The following SLC35F4 variants were observed in gnomAD, a reference collection of about 807,000 sequenced individuals.
The protein encoded by SLC35F4 is chromosome 14 open reading frame 36.
SLC35F4 carries 24 observed loss-of-function variants against 44.2 expected under a neutral mutation model. The observed-to-expected ratio is 0.54, with a 90% CI of 0.39 to 0.76. The LOEUF (loss-of-function observed/expected upper bound fraction) is 0.76. Ranked by LOEUF, SLC35F4 falls within the 30% of genes least tolerant of loss-of-function variation. SLC35F4 has a pLI of 0.00. For synonymous variants in SLC35F4, 238 were observed against 223.6 expected, an observed-to-expected ratio of 1.06 and a Z score of -0.57; for missense variants, 562 against 586.1, an observed-to-expected ratio of 0.96 and a Z score of 0.42.
At chr14:57,872,682 A>T (rs1402680406) in intron 1 of SLC35F4, among the ~76,000 whole-genome samples, 1 of 152,142 alleles carries the variant, frequency 6.6e-6, no homozygotes, top group East Asian at 1.9e-4. Flanking sequence ...TGACAATGGG[A>T]AACAGGAGCT....
intron 1 of SLC35F4, among the ~76,000 whole-genome samples, chr14:57,814,625 A>G (rs896197331): frequency 6.6e-6 from 1 of 152,204 alleles, no homozygotes; most frequent in Non-Finnish European, 1.5e-5. Context: ...TTGATGAAAT[A>G]ATAGTTGCTG....
At chr14:57,739,481 G>T (rs745513721) in intron 1 of SLC35F4, among the ~76,000 whole-genome samples, 5 of 152,174 alleles carry the variant, frequency 3.3e-5, no homozygotes, top group African/African-American at 1.2e-4. Context: ...GGGAAGTGCC[G>T]TTTCCACAAG....
intron 1 of SLC35F4, among the ~76,000 whole-genome samples, chr14:57,775,447 C>T (rs2077465665): frequency 6.6e-6 from 1 of 152,242 alleles, no homozygotes. Context: ...TCCGGTACAG[C>T]AGGTTCCTAA....
Position 57,581,360 on chromosome 14 carries a change from T to C in SLC35F4, c.661A>G (p.Ile221Val). 1 of 1,613,432 alleles carries C rather than the reference T, an allele frequency of 6.2e-7. No homozygotes were observed. Among genetic ancestry groups the C allele is most frequent in the East Asian group, 2.2e-5 (1 of 44,876 alleles). ...AGGTAATTAGTCAAAGTCCATAGAA[T>C]AGAAAAGGGAGCAGTTCTTTTAAGA... ...LFLKRTAPFS[I>V]LWTLTNYLYL... Residue 221 changes from isoleucine (I) to valine (V), a missense_variant, in exon 4 of 8, where the codon ATT becomes GTT. Transcript: ENST00000556826.
intron 1 of SLC35F4, among the ~76,000 whole-genome samples, chr14:57,623,568 T>A (rs892755332): frequency 1.3e-5 from 2 of 152,050 alleles, no homozygotes; most frequent in African/African-American, 4.8e-5. Flanking sequence ...AAAACACTCG[T>A]CAGCAAATGC....
At position 57,634,246 on chromosome 14, in the gene SLC35F4, A is replaced by C. The variant is rs533659669; in HGVS notation, c.104-40122T>G. Among the ~76,000 whole-genome samples, 4 of 152,224 alleles carry C rather than the reference A, an allele frequency of 2.6e-5. No individual in the cohort carries two copies. The East Asian group carries it at 7.7e-4, about 29-fold the overall frequency. Reference sequence around the variant, plus strand: ...TCACCTATCTCATTAATAAAATGTAAGTTGTGATAAGTGCGGTTGAAGGCA... The same window carrying C: ...TCACCTATCTCATTAATAAAATGTACGTTGTGATAAGTGCGGTTGAAGGCA... On this transcript the variant is annotated intron_variant, in intron 1 of 7. Transcript: ENST00000556826.
intron 1 of SLC35F4, among the ~76,000 whole-genome samples, chr14:57,818,842 C>G (rs922493213): frequency 6.6e-6 from 1 of 152,118 alleles, no homozygotes; most frequent in African/African-American, 2.4e-5. Flanking sequence ...TTTCAATAAC[C>G]CTGCTGTTTT....
chr14:57,874,610 C>T (rs565024851), intron 1 of SLC35F4, among the ~76,000 whole-genome samples: 1 of 152,214 alleles, frequency 6.6e-6, no homozygotes, highest in South Asian at 2.1e-4. Flanking sequence ...CTCTGGAAGC[C>T]CTTCTCACTC....
intron 1 of SLC35F4, among the ~76,000 whole-genome samples, chr14:57,967,098 A>G (rs935230479): frequency 6.6e-6 from 1 of 152,198 alleles, no homozygotes; most frequent in African/African-American, 2.4e-5. Flanking sequence ...AAAATTTTAA[A>G]GATAATAATA....
chr14:57,594,525 G>A (rs574206756), intron 1 of SLC35F4, among the ~76,000 whole-genome samples: 1 of 152,306 alleles, frequency 6.6e-6, no homozygotes, highest in South Asian at 2.1e-4. Flanking sequence ...GGCAAGGTCT[G>A]TGCCTATAAG....
Position 57,866,043 on chromosome 14 carries a change from G to A in SLC35F4, c.-218C>T, listed in dbSNP as rs1888141459. On this transcript the variant is annotated 5_prime_UTR_variant, in exon 1 of 8. It adds an upstream start codon to the 5' untranslated region. Transcript: ENST00000556826. Reference sequence around the variant, plus strand: ...GGCCCCCACTCGGGCCGGCCTCTCCGTCAGCCTGGCAGCTCTCCCGCGCGC... The same window carrying A: ...GGCCCCCACTCGGGCCGGCCTCTCCATCAGCCTGGCAGCTCTCCCGCGCGC... 1 of 308,012 alleles carries A rather than the reference G, an allele frequency of 3.2e-6. No individual in the cohort carries two copies. Among genetic ancestry groups the A allele is most frequent in the African/African-American group, 2.2e-5 (1 of 44,996 alleles). The allele number at this position is 308,012 out of a possible 1,614,324, so 19.1% of individuals were successfully genotyped here.
In SLC35F4 at chr14:57,678,128, G is replaced by C. The variant is rs140512589; in HGVS notation, c.104-84004C>G. Among the ~76,000 whole-genome samples, 312 of 152,166 alleles carry C rather than the reference G, an allele frequency of 2.1e-3. 5 individuals carry two copies. The highest frequency in any genetic ancestry group is 7.2e-3 in the African/African-American group (299 of 41,456). On this transcript the variant is annotated intron_variant, in intron 1 of 7. Coordinates refer to ENST00000556826, the MANE Select transcript of SLC35F4 (RefSeq NM_001306087.2). The stretch of plus-strand genomic sequence containing the variant: ...ATGTTAAGGGCAGCAAGAGAGAATG[G>C]TTGGGGTACCCACAAAGGGAAGCCT...
In SLC35F4 at chr14:57,919,531, G is replaced by A. The variant is rs776312934; in HGVS notation, n.282+62382C>T. 6.6e-5 allele frequency among the ~76,000 whole-genome samples: 10 copies of A among 152,216 alleles called. No individual in the cohort carries two copies. The East Asian group carries it at 9.7e-4, about 15-fold the overall frequency. ...TGCAGGCAGGGAGTTGTGGGAAAGC[G>A]GGGAAGAAAAAGCAGCTGTATTCTT... On this transcript the variant is annotated intron_variant and non_coding_transcript_variant, in intron 1 of 1. Coordinates refer to the SLC35F4 transcript ENST00000556568.
chr14:57,696,951 G>A (rs1360612296), intron 1 of SLC35F4, among the ~76,000 whole-genome samples: 3 of 152,122 alleles, frequency 2.0e-5, no homozygotes, highest in Non-Finnish European at 4.4e-5. Flanking sequence ...GAGAGCATTA[G>A]GACAAATACT....
intron 1 of SLC35F4, among the ~76,000 whole-genome samples, chr14:57,964,441 G>A (rs967532052): frequency 8.5e-5 from 13 of 152,086 alleles, no homozygotes; most frequent in East Asian, 1.9e-4. Context: ...AGGAAAACTC[G>A]AAACAATACT....
At position 57,765,226 on chromosome 14, in the gene SLC35F4, G is replaced by T. The variant is rs199735094; in HGVS notation, c.103+100497C>A. On this transcript the variant is annotated intron_variant, in intron 1 of 7. Coordinates refer to ENST00000556826, the MANE Select transcript of SLC35F4 (RefSeq NM_001306087.2). The stretch of plus-strand genomic sequence containing the variant: ...TATTGTAATCTGATGTCTTTGAAAG[G>T]CTAAAGGGCAAGATGTAGATAGGAG... Among the ~76,000 whole-genome samples the T allele has an allele frequency of 9.8e-4, 150 of 152,356 alleles. 1 individual carries two copies. Among genetic ancestry groups the T allele is most frequent in the African/African-American group, 3.3e-3 (139 of 41,598 alleles).
At chr14:57,748,483 G>C (rs1000064674) in intron 1 of SLC35F4, among the ~76,000 whole-genome samples, 7 of 152,028 alleles carry the variant, frequency 4.6e-5, no homozygotes, top group Non-Finnish European at 1.0e-4. Flanking sequence ...TCTGCAAGTG[G>C]GGGCCAGGTA....
intron 1 of SLC35F4, among the ~76,000 whole-genome samples, chr14:57,850,720 G>A (rs548308985): frequency 3.3e-5 from 5 of 152,250 alleles, no homozygotes; most frequent in South Asian, 2.1e-4. Flanking sequence ...CCAGAGTGAC[G>A]ATGTGTCATA....
intron 1 of SLC35F4, among the ~76,000 whole-genome samples, chr14:57,730,230 ATAGT>A (rs2140469322): frequency 6.6e-6 from 1 of 152,180 alleles, no homozygotes; most frequent in Admixed American, 6.5e-5. Flanking sequence ...TTGTGTGCAG[ATAGT>A]TGTTAAAATT....
Sources: allele counts gnomAD v4.1 joint callset (sites outside exome capture counted in the v4.1 genomes callset), GRCh38; gene constraint gnomAD v4.1.1; transcripts MANE v1.5; gene names NCBI Gene and HGNC (gene_info 2026-07-23, HGNC 2026-07-21).